The following AMPH variants were observed in gnomAD, a reference collection of about 807,000 sequenced individuals.
AMPH encodes amphiphysin (Stiff-Mann syndrome with breast cancer 128kD autoantigen).
A neutral mutation model predicts 99.1 loss-of-function variants in AMPH; 49 were observed. The ratio of observed to expected loss-of-function variants is 0.49; its 90% CI spans 0.39 to 0.63. The LOEUF (loss-of-function observed/expected upper bound fraction) is 0.63. AMPH is among the 20% of genes least tolerant of loss of function. The pLI is 0.00. For missense variants in AMPH, 759 were observed against 863.4 expected (o/e 0.88, Z 1.52); for synonymous variants, 314 against 317.3 (o/e 0.99, Z 0.11).
chr7:38,622,427 A>G (rs1027641881), intron 1 of AMPH, among the ~76,000 whole-genome samples: 1 of 149,068 alleles, frequency 6.7e-6, no homozygotes, highest in Non-Finnish European at 1.5e-5. Flanking sequence ...TAATATATGT[A>G]ACTATATATT....
intron 18 of AMPH, among the ~76,000 whole-genome samples, chr7:38,393,303 T>C (rs1302188245): frequency 6.6e-6 from 1 of 152,154 alleles, no homozygotes; most frequent in East Asian, 1.9e-4. Context: ...GGGAGTAAAA[T>C]CATCAGAAGA....
At chr7:38,481,485 G>C (rs556971380) in intron 5 of AMPH, among the ~76,000 whole-genome samples, 28 of 152,162 alleles carry the variant, frequency 1.8e-4, no homozygotes, top group African/African-American at 6.5e-4. Context: ...TACATGCTTA[G>C]TTGCTCATGC....
Position 38,465,788 on chromosome 7 carries a change from G to T in AMPH, c.667-239C>A, listed in dbSNP as rs866837874. On this transcript the variant is annotated intron_variant, in intron 8 of 20. Transcript: ENST00000356264. ...TATATATTTATTAACCAGAGTACAG[G>T]GCAGAAAACAAAAGCTTACTGTTTA... Among the ~76,000 whole-genome samples the T allele has an allele frequency of 5.8e-4, 88 of 152,006 alleles. 1 individual carries two copies. The highest frequency in any genetic ancestry group is 2.0e-3 in the African/African-American group (84 of 41,450).
At chr7:38,476,115 G>A (rs573194749) in intron 6 of AMPH, among the ~76,000 whole-genome samples, 25 of 152,306 alleles carry the variant, frequency 1.6e-4, no homozygotes, top group African/African-American at 5.8e-4. Flanking sequence ...AGAAACTGAT[G>A]TGTAGTTCTG....
At position 38,436,276 on chromosome 7, in the gene AMPH, G is replaced by C; in HGVS notation, c.1130C>G (p.Ser377Cys). 1.9e-6 allele frequency: 3 copies of C among 1,613,116 alleles called. No homozygotes were observed. The highest frequency in any genetic ancestry group is 2.5e-6 in the Non-Finnish European group (3 of 1,179,078). Residue 377 changes from serine to cysteine, a missense_variant, in exon 12 of 21, where the codon TCT (serine) becomes TGT (cysteine). Coordinates refer to ENST00000356264, the MANE Select transcript of AMPH (RefSeq NM_001635.4). ...CATCCAAAAAGCACCTGATACCTGAGACATGGGTGAGTGGGTCACTCCAGC... is the reference window on the plus strand; with the variant it reads ...CATCCAAAAAGCACCTGATACCTGACACATGGGTGAGTGGGTCACTCCAGC... Reference protein sequence around the residue: ...GSAGVTHSPMSQTLPWDLWTT... With the variant: ...GSAGVTHSPMCQTLPWDLWTT...
chr7:38,464,166 A>G, intron 9 of AMPH: 1 of 1,264,216 alleles, frequency 7.9e-7, no homozygotes, highest in Non-Finnish European at 1.0e-6. Context: ...CTTTTTCTTC[A>G]CTGTATCTCA....
intron 1 of AMPH, among the ~76,000 whole-genome samples, chr7:38,590,056 G>T (rs977545923): frequency 7.2e-5 from 11 of 152,144 alleles, no homozygotes; most frequent in African/African-American, 2.7e-4. Flanking sequence ...GTTACTGGGG[G>T]GTCTTTGTTC....
intron 1 of AMPH, among the ~76,000 whole-genome samples, chr7:38,564,118 C>T (rs754080717): frequency 4.6e-5 from 7 of 152,168 alleles, no homozygotes; most frequent in Non-Finnish European, 1.0e-4. Flanking sequence ...GAACAAATCC[C>T]TAGCATTTTT....
At position 38,431,293 on chromosome 7, in the gene AMPH, C is replaced by A. The variant is rs550712517; in HGVS notation, c.1158+896G>T. Among the ~76,000 whole-genome samples the A allele has an allele frequency of 6.0e-4, 91 of 152,328 alleles. 1 individual carries two copies. The highest frequency in any genetic ancestry group is 2.0e-4 in the Admixed American group (3 of 15,304). On this transcript the variant is annotated intron_variant, in intron 13 of 20. Coordinates refer to ENST00000356264, the MANE Select transcript of AMPH (RefSeq NM_001635.4). ...TTACAATTATCTTATTTAAACCTCACACAACCTTCCGAGGTAGGCATCATT... is the reference window on the plus strand; with the variant it reads ...TTACAATTATCTTATTTAAACCTCAAACAACCTTCCGAGGTAGGCATCATT...
In AMPH at chr7:38,627,387, C is replaced by CAAA. The variant is rs70977419; in HGVS notation, c.69+3893_69+3895dup. Among the ~76,000 whole-genome samples, 120 of 116,932 alleles carry CAAA rather than the reference C, an allele frequency of 1.0e-3. 2 individuals are homozygous for CAAA. The highest frequency in any genetic ancestry group is 6.5e-3 in the Admixed American group (70 of 10,758). 76.7% of individuals were successfully genotyped at this position (116,932 alleles called of 152,430 possible). On this transcript the variant is annotated intron_variant, in intron 1 of 20. Transcript: ENST00000356264. ...CGAAACCCCGTCTCTACTAAAAATACAAAAAAAAAAAAAATTAGCCGGACG... is the reference window on the plus strand; with the variant it reads ...CGAAACCCCGTCTCTACTAAAAATACAAAAAAAAAAAAAAAAATTAGCCGGACG...
intron 17 of AMPH, among the ~76,000 whole-genome samples, chr7:38,400,107 C>T (rs1784801012): frequency 6.6e-6 from 1 of 152,132 alleles, no homozygotes; most frequent in Non-Finnish European, 1.5e-5. Context: ...TGAAGTCTCA[C>T]TCTTGTTGCC....
At chr7:38,560,550 T>G (rs1201593171) in intron 1 of AMPH, among the ~76,000 whole-genome samples, 1 of 152,204 alleles carries the variant, frequency 6.6e-6, no homozygotes, top group Non-Finnish European at 1.5e-5. Flanking sequence ...TCTGACATCT[T>G]TGCAGTATTA....
intron 2 of AMPH, among the ~76,000 whole-genome samples, chr7:38,522,780 T>C (rs1417308451): frequency 6.6e-6 from 1 of 152,032 alleles, no homozygotes; most frequent in Non-Finnish European, 1.5e-5. Context: ...GAAAGCAGGT[T>C]TCTCACTCTC....
At chr7:38,571,585 A>G (rs1311284955) in intron 1 of AMPH, among the ~76,000 whole-genome samples, 5 of 145,348 alleles carry the variant, frequency 3.4e-5, no homozygotes, top group African/African-American at 1.3e-4. Flanking sequence ...TAAAACTAGA[A>G]AAAAGCTTAT....
At chr7:38,429,408 C>G in intron 14 of AMPH, 1 of 1,292,344 alleles carries the variant, frequency 7.7e-7, no homozygotes, top group African/African-American at 1.5e-5. Context: ...AGAGTCTTCT[C>G]CAAACCCACC....
intron 1 of AMPH, among the ~76,000 whole-genome samples, chr7:38,550,645 G>C (rs1016363192): frequency 6.6e-6 from 1 of 152,150 alleles, no homozygotes; most frequent in Non-Finnish European, 1.5e-5. Context: ...CCATCACCTG[G>C]ATAGTGTGTA....
chr7:38,551,976 C>T (rs1277165199), intron 1 of AMPH, among the ~76,000 whole-genome samples: 1 of 152,074 alleles, frequency 6.6e-6, no homozygotes, highest in Non-Finnish European at 1.5e-5. Context: ...GAAGGCCAAA[C>T]TAAAGGATTA....
intron 1 of AMPH, among the ~76,000 whole-genome samples, chr7:38,560,806 A>T (rs1791528176): frequency 6.6e-6 from 1 of 152,128 alleles, no homozygotes; most frequent in African/African-American, 2.4e-5. Flanking sequence ...GCTTCGAAAA[A>T]ATACTGATGC....
chr7:38,495,817 A>G (rs1788911922), intron 3 of AMPH, among the ~76,000 whole-genome samples: 1 of 152,174 alleles, frequency 6.6e-6, no homozygotes, highest in Non-Finnish European at 1.5e-5. Flanking sequence ...ATAGCATTAA[A>G]GATATATGCT....
Sources: gnomAD v4.1 joint callset for allele counts (sites outside exome capture counted in the v4.1 genomes callset) on GRCh38, gnomAD v4.1.1 for gene constraint, MANE v1.5 for transcripts, NCBI Gene and HGNC (gene_info 2026-07-23, HGNC 2026-07-21) for gene names.